CLOCK: variants seen among roughly 807,000 people sequenced by gnomAD.
CLOCK encodes clock circadian regulator, also known as circadian locomoter output cycles protein kaput.
Under a neutral mutation model 118.4 loss-of-function variants are expected in CLOCK, and 43 were observed. That is an observed-to-expected ratio of 0.36 (90% confidence interval 0.28 to 0.47). The LOEUF (loss-of-function observed/expected upper bound fraction) is 0.47. CLOCK is among the 20% of genes least tolerant of loss of function. The pLI is 1.00. For missense variants in CLOCK, 846 were observed against 999.9 expected, an observed-to-expected ratio of 0.85 and a Z score of 2.08; for synonymous variants, 326 against 339.2, an observed-to-expected ratio of 0.96 and a Z score of 0.43.
In CLOCK at chr4:55,438,547, G is replaced by T. The variant is rs373754018; in HGVS notation, c.2106-10C>A. Reference sequence around the variant, plus strand: ...TTGACCTTGAGAAAATCTGTTAGAAGAAAGAAGGAAAAAAATTGGAGTCCA... The same window carrying T: ...TTGACCTTGAGAAAATCTGTTAGAATAAAGAAGGAAAAAAATTGGAGTCCA... On this transcript the variant is annotated splice_polypyrimidine_tract_variant and intron_variant, in intron 21 of 22. Transcript: ENST00000513440. 2.0e-5 allele frequency: 33 copies of T among 1,612,656 alleles called. No individual in the cohort carries two copies. Among genetic ancestry groups the T allele is most frequent in the Non-Finnish European group, 2.7e-5 (32 of 1,179,940 alleles).
chr4:55,444,473 G>C (rs1430433609), intron 19 of CLOCK, among the ~76,000 whole-genome samples, 160 bp downstream of exon 19: 1 of 152,186 alleles, frequency 6.6e-6, no homozygotes, highest in African/African-American at 2.4e-5. Flanking sequence ...TTTAGAGACT[G>C]TAAGTATAAT....
At chr4:55,503,002 A>G (rs1728537107) in intron 2 of CLOCK, among the ~76,000 whole-genome samples, 1 of 152,210 alleles carries the variant, frequency 6.6e-6, no homozygotes, top group South Asian at 2.1e-4. Context: ...AATAATTTCA[A>G]GTGTTGGTGA....
intron 14 of CLOCK, 193 bp downstream of exon 14, chr4:55,453,482 GAC>G: frequency 2.0e-6 from 1 of 500,698 alleles, no homozygotes; most frequent in African/African-American, 1.9e-5. Flanking sequence ...TTTATATCAA[GAC>G]TTATATATCT....
At chr4:55,536,836 C>T (rs571789865) in intron 1 of CLOCK, among the ~76,000 whole-genome samples, 1 of 152,106 alleles carries the variant, frequency 6.6e-6, no homozygotes, top group East Asian at 1.9e-4. Context: ...TTTTTTACTA[C>T]ACAATGCCTG....
intron 2 of CLOCK, among the ~76,000 whole-genome samples, chr4:55,499,710 A>ATCC (rs1344144737): frequency 6.6e-6 from 1 of 152,174 alleles, no homozygotes; most frequent in African/African-American, 2.4e-5. Context: ...GCTTAAATCT[A>ATCC]TCCTCCGCAT....
chr4:55,479,745 A>G, intron 4 of CLOCK, 46 bp from the exon 5 acceptor site: 1 of 1,427,748 alleles, frequency 7.0e-7, no homozygotes, highest in Non-Finnish European at 9.9e-7. Flanking sequence ...TCACTAAGCA[A>G]CAGCAATACT....
chr4:55,535,668 A>C (rs922963944), intron 1 of CLOCK, among the ~76,000 whole-genome samples: 7 of 152,004 alleles, frequency 4.6e-5, no homozygotes, highest in African/African-American at 1.7e-4. Context: ...TATAAAAATC[A>C]TATTTTTAAA....
At chr4:55,456,040 T>G in intron 12 of CLOCK, 37 bp from the exon 13 acceptor site, 1 of 1,514,430 alleles carries the variant, frequency 6.6e-7, no homozygotes, top group Non-Finnish European at 9.1e-7. Context: ...TTATAAGTTT[T>G]TCCATAATAA....
chr4:55,506,150 T>G (rs975380995), intron 2 of CLOCK, among the ~76,000 whole-genome samples: 1 of 152,200 alleles, frequency 6.6e-6, no homozygotes, highest in South Asian at 2.1e-4. Flanking sequence ...GGTCATGTAC[T>G]GCATTTAGCT....
chr4:55,519,321 C>A (rs970386428), intron 1 of CLOCK, among the ~76,000 whole-genome samples: 1 of 152,172 alleles, frequency 6.6e-6, no homozygotes, highest in Non-Finnish European at 1.5e-5. Context: ...CTTCCCACAG[C>A]ACTGGGATTG....
rs35793438 is a variant in CLOCK at position 55,435,508 on chromosome 4, T to G, written c.2448A>C (p.Ser816=). The G allele has an allele frequency of 0.048, 77,943 of 1,614,024 alleles. 2,209 individuals carry two copies. Among genetic ancestry groups the G allele is most frequent in the Non-Finnish European group, 0.058 (68,220 of 1,179,932 alleles). ...FPLQQSTFPQ[S]HHQQHQSQQQ... is the part of the protein sequence containing the mutation. ...GCTGAGACTGATGTTGCTGGTGATG[T>G]GACTGAGGGAAGGTGCTCTGTTGTA... Residue 816 remains serine (S), a synonymous_variant, in exon 23 of 23, where the codon TCA becomes TCC. Transcript: ENST00000513440.
Position 55,428,400 on chromosome 4 carries a change from T to C in CLOCK, c.*7015A>G, listed in dbSNP as rs1214859374. The C allele has an allele frequency of 3.9e-5, 6 of 152,204 alleles. No homozygotes were observed. The highest frequency in any genetic ancestry group is 9.6e-5 in the African/African-American group (4 of 41,454). 9.4% of individuals were successfully genotyped at this position (152,204 alleles called of 1,614,324 possible). On this transcript the variant is annotated 3_prime_UTR_variant, in exon 23 of 23. Transcript: ENST00000513440. ...ACAATATTGTATTTCCAAACATACA[T>C]AGGTCATGAAAATCAGAGAACCTAA...
intron 1 of CLOCK, among the ~76,000 whole-genome samples, chr4:55,542,379 ATATTATTAT>A (rs58368138): frequency 4.2e-3 from 237 of 56,554 alleles, no homozygotes; most frequent in African/African-American, 0.018. Context: ...AATAATAATA[ATATTATTAT>A]TATTATTATT....
chr4:55,530,546 G>C (rs1278501820), intron 1 of CLOCK, among the ~76,000 whole-genome samples: 1 of 151,938 alleles, frequency 6.6e-6, no homozygotes, highest in Admixed American at 6.6e-5. Flanking sequence ...AGGCCGAGGA[G>C]GGTGGATCAC....
intron 2 of CLOCK, among the ~76,000 whole-genome samples, chr4:55,492,158 CA>C (rs1301092212): frequency 6.6e-6 from 1 of 152,034 alleles, no homozygotes; most frequent in East Asian, 1.9e-4. Context: ...ACTACCAATC[CA>C]AACGCAACAG....
intron 2 of CLOCK, among the ~76,000 whole-genome samples, chr4:55,502,396 A>G (rs1314473572): frequency 2.6e-5 from 4 of 152,194 alleles, no homozygotes; most frequent in Non-Finnish European, 5.9e-5. Flanking sequence ...CCAAAAATAA[A>G]TCCATGAATA....
intron 16 of CLOCK, among the ~76,000 whole-genome samples, 187 bp downstream of exon 16, chr4:55,449,904 C>T (rs1355047540): frequency 1.3e-5 from 2 of 152,150 alleles, no homozygotes; most frequent in Non-Finnish European, 1.5e-5. Flanking sequence ...TAATAGGCTA[C>T]TTGAAGAACT....
chr4:55,436,031 C>T (rs1722851561), intron 22 of CLOCK, among the ~76,000 whole-genome samples: 2 of 152,150 alleles, frequency 1.3e-5, no homozygotes, highest in Admixed American at 1.3e-4. Context: ...TGGCCAGGAG[C>T]GTGGTGGGCC....
intron 3 of CLOCK, among the ~76,000 whole-genome samples, chr4:55,485,140 T>A (rs1727214817): frequency 6.6e-6 from 1 of 152,080 alleles, no homozygotes; most frequent in African/African-American, 2.4e-5. Context: ...AATTTATCTA[T>A]TTTTAGTAGA....
Sources: allele counts gnomAD v4.1 joint callset (sites outside exome capture counted in the v4.1 genomes callset), GRCh38; gene constraint gnomAD v4.1.1; transcripts MANE v1.5; gene names NCBI Gene and HGNC (gene_info 2026-07-23, HGNC 2026-07-21).